Variants in ZNF280C observed in about 807,000 individuals in gnomAD.
The protein encoded by ZNF280C is suppressor of hairy wing homolog 3.
A neutral mutation model predicts 53.6 loss-of-function variants in ZNF280C; 14 were observed. The ratio of observed to expected loss-of-function variants is 0.26; its 90% confidence interval spans 0.17 to 0.41. The LOEUF is 0.41. Among genes scored for constraint, ZNF280C ranks in the 10% least tolerant of loss-of-function variants. The pLI is 1.00. For missense variants in ZNF280C, 416 were observed against 547.1 expected (o/e 0.76, Z 2.39); for synonymous variants, 203 against 181.1 (o/e 1.12, Z -0.97).
At chrX:130,217,010 CAAAACAAA>C (rs1293071284) in intron 13 of ZNF280C, among the ~76,000 whole-genome samples, 2 of 111,008 alleles carry the variant, frequency 1.8e-5, no homozygotes, top group Non-Finnish European at 3.8e-5. Context: ...AAAAACAAAA[CAAAACAAA>C]AGAACAAAAA....
chrX:130,257,692 C>T (rs886838681), intron 2 of ZNF280C, among the ~76,000 whole-genome samples: 2 of 111,722 alleles, frequency 1.8e-5, no homozygotes, highest in African/African-American at 6.5e-5. Context: ...ATCTCTACCT[C>T]TCTCTCTCTC....
chrX:130,205,732 A>G (rs2031966324), intron 16 of ZNF280C, among the ~76,000 whole-genome samples: 1 of 109,941 alleles, frequency 9.1e-6, no homozygotes. Flanking sequence ...TACAAAAATT[A>G]GTCAGGCATC....
intron 2 of ZNF280C, among the ~76,000 whole-genome samples, chrX:130,248,246 G>A (rs1056104706): frequency 1.2e-4 from 13 of 105,070 alleles, no homozygotes; most frequent in East Asian, 9.0e-4. Context: ...AGAATGAAGC[G>A]GGAGGAAACT....
chrX:130,213,571 G>A (rs1355309027), intron 15 of ZNF280C, among the ~76,000 whole-genome samples: 1 of 111,944 alleles, frequency 8.9e-6, no homozygotes, highest in African/African-American at 3.2e-5. Context: ...TTTTAGGACA[G>A]AAACAAAGCA....
chrX:130,261,869 G>A (rs944076451), intron 1 of ZNF280C, among the ~76,000 whole-genome samples: 2 of 110,257 alleles, frequency 1.8e-5, no homozygotes, highest in African/African-American at 3.3e-5. Flanking sequence ...CTGGAGTGCC[G>A]TGGCTATTCA....
chrX:130,245,536 T>G (rs2032440929), intron 3 of ZNF280C, among the ~76,000 whole-genome samples: 1 of 111,712 alleles, frequency 9.0e-6, no homozygotes, highest in Admixed American at 9.5e-5. Context: ...CTGATAAAAC[T>G]GAGTAGAAAT....
At chrX:130,219,306 C>T (rs1025424716) in intron 13 of ZNF280C, among the ~76,000 whole-genome samples, 2 of 109,556 alleles carry the variant, frequency 1.8e-5, no homozygotes, top group Admixed American at 9.8e-5. Context: ...GCCATGTTGG[C>T]GAAACCCAGT....
At chrX:130,252,935 G>A (rs747620055) in intron 2 of ZNF280C, among the ~76,000 whole-genome samples, 62 of 111,418 alleles carry the variant, frequency 5.6e-4, no homozygotes, top group Middle Eastern at 9.2e-3. Context: ...GCAAGAGAAA[G>A]AAATAGACGG....
intron 2 of ZNF280C, among the ~76,000 whole-genome samples, chrX:130,260,134 T>C (rs2032615414): frequency 1.8e-5 from 2 of 109,523 alleles, no homozygotes; most frequent in Non-Finnish European, 3.8e-5. Context: ...TACAAAAAAT[T>C]AGCTGGGTGT....
intron 13 of ZNF280C, among the ~76,000 whole-genome samples, chrX:130,216,974 T>G (rs1299784273): frequency 9.0e-6 from 1 of 111,271 alleles, no homozygotes; most frequent in African/African-American, 3.3e-5. Context: ...CACTCCAGCC[T>G]GGGCAACACG....
intron 5 of ZNF280C, 21 bp downstream of exon 5, chrX:130,243,542 T>C (rs760702182): frequency 1.7e-6 from 2 of 1,194,708 alleles, no homozygotes; most frequent in Non-Finnish European, 2.3e-6. Context: ...GAATTAATTG[T>C]GTAATTTTAT....
Position 130,243,666 on chromosome X carries a change from C to T in ZNF280C, c.278G>A (p.Arg93His), listed in dbSNP as rs771031442. 8.3e-6 allele frequency: 10 copies of T among 1,208,419 alleles called. No individual in the cohort carries two copies. The Admixed American group carries it at 1.8e-4, about 21-fold the overall frequency. ...TGGATTTGATGGTGGGTCTCTGCAG[C>T]GTTGACTTGCAGTCCTGAATATTTC... ...IPEIFRTASQ[R>H]CRDPPSNPVA... Residue 93 changes from arginine (R) to histidine (H), a missense_variant, in exon 5 of 19, where the codon CGC (arginine) becomes CAC (histidine). Arg to His is a conservative substitution (Grantham distance 29). Around this residue, in one of 3 missense-constraint regions of ZNF280C, gnomAD observed 193 missense variants for 201.4 expected, o/e 0.96. Coordinates refer to ENST00000370978, the MANE Select transcript of ZNF280C (RefSeq NM_017666.5).
chrX:130,211,593 T>C (rs1470233568), intron 15 of ZNF280C, among the ~76,000 whole-genome samples: 4 of 111,278 alleles, frequency 3.6e-5, no homozygotes, highest in African/African-American at 6.5e-5. Context: ...CAGTGTACCC[T>C]TGAAGTAGGG....
chrX:130,213,121 AGGCGGGC>A (rs2032057893), intron 15 of ZNF280C, among the ~76,000 whole-genome samples: 1 of 111,791 alleles, frequency 8.9e-6, no homozygotes, highest in Admixed American at 9.5e-5. Flanking sequence ...TGGGAGGCCG[AGGCGGGC>A]GGATCATGAG....
At chrX:130,217,402 A>G (rs1048293525) in intron 13 of ZNF280C, among the ~76,000 whole-genome samples, 8 of 112,363 alleles carry the variant, frequency 7.1e-5, no homozygotes, top group African/African-American at 2.6e-4. Context: ...AGGAAAATCC[A>G]TAGACACTAA....
In ZNF280C at chrX:130,203,149, C is replaced by T. The variant is rs1253460646; in HGVS notation, c.*1828G>A. ...AAGAAGCTACCAATAAGTAGCTACA[C>T]GAAATCTGTAGACAATTCTAAGAAA... On this transcript the variant is annotated 3_prime_UTR_variant, in exon 19 of 19. Coordinates refer to ENST00000370978, the MANE Select transcript of ZNF280C (RefSeq NM_017666.5). The T allele has an allele frequency of 1.8e-5, 2 of 111,137 alleles. No homozygotes were observed. Among genetic ancestry groups the T allele is most frequent in the Non-Finnish European group, 3.8e-5 (2 of 53,063 alleles). The allele number at this position is 111,137 out of a possible 1,213,427, so 9.2% of individuals were successfully genotyped here. A position where few individuals can be genotyped will look rare whatever the true frequency, so the allele number is the denominator to read the frequency against.
At chrX:130,239,433 A>G in intron 6 of ZNF280C, 149 bp downstream of exon 6, 1 of 357,418 alleles carries the variant, frequency 2.8e-6, no homozygotes, top group Non-Finnish European at 5.0e-6. Flanking sequence ...CACCCAAGAA[A>G]GGCATTCAGG....
intron 10 of ZNF280C, among the ~76,000 whole-genome samples, chrX:130,228,474 G>C (rs1413602226): frequency 2.7e-5 from 3 of 109,227 alleles, no homozygotes. Flanking sequence ...GTACAGATGG[G>C]GTTTCTCCAT....
chrX:130,268,784 G>A lies in ZNF280C; in HGVS notation c.-39C>T, dbSNP rs896614608. ...TACCGAGAGCAGAGCAGATCGGTCT[G>A]ACTGGGGTTCGGATAAGGAGGAGGA... On this transcript the variant is annotated 5_prime_UTR_variant, in exon 1 of 19. Transcript: ENST00000370978. 2 of 112,098 alleles carry A rather than the reference G, an allele frequency of 1.8e-5. No homozygotes were observed. Among genetic ancestry groups the A allele is most frequent in the Non-Finnish European group, 3.8e-5 (2 of 53,105 alleles). The allele number at this position is 112,098 out of a possible 1,213,427, so 9.2% of individuals were successfully genotyped here.
Sources: gnomAD v4.1 joint callset for allele counts (sites outside exome capture counted in the v4.1 genomes callset) on GRCh38, gnomAD v4.1.1 for gene constraint, gnomAD v4.1.1 regional missense constraint, MANE v1.5 for transcripts, NCBI Gene and HGNC (gene_info 2026-07-23, HGNC 2026-07-21) for gene names.